Variants in WRN observed in about 807,000 individuals in gnomAD.
The protein encoded by WRN is WRN RecQ like helicase.
Under a neutral mutation model 180.7 loss-of-function variants are expected in WRN, and 149 were observed. The observed-to-expected ratio is 0.82, with a 90% CI of 0.72 to 0.94. The LOEUF (loss-of-function observed/expected upper bound fraction) is 0.94. Among genes scored for constraint, WRN ranks in the 40% least tolerant of loss-of-function variants. The pLI is 0.00. For synonymous variants in WRN, 548 were observed against 568.9 expected (o/e 0.96, Z 0.52); for missense variants, 1,661 against 1,700.1 (o/e 0.98, Z 0.40).
At chr8:31,147,883 C>CCTT (rs1802928297) in intron 30 of WRN, among the ~76,000 whole-genome samples, 9 of 125,990 alleles carry the variant, frequency 7.1e-5, no homozygotes, top group Admixed American at 1.5e-4. Context: ...TCTTCTTCTT[C>CCTT]ATTTTTTTTT....
rs574019000 is a variant in WRN at position 31,089,505 on chromosome 8, C to T, written c.1652+540C>T. The stretch of plus-strand genomic sequence containing the variant: ...CTGTGAAAATCTAGACTGGATTTTT[C>T]CTATTCTGAGAATTTAAAATATAAT... On this transcript the variant is annotated intron_variant, in intron 13 of 34. Transcript: ENST00000298139. Among the ~76,000 whole-genome samples the T allele has an allele frequency of 3.9e-5, 6 of 152,050 alleles. 1 individual carries two copies. The highest frequency in any genetic ancestry group is 1.4e-4 in the African/African-American group (6 of 41,540).
intron 8 of WRN, among the ~76,000 whole-genome samples, chr8:31,077,820 C>G (rs1282441519): frequency 6.6e-6 from 1 of 152,160 alleles, no homozygotes; most frequent in Non-Finnish European, 1.5e-5. Context: ...GAGGCATATA[C>G]ACAGACTGGG....
At chr8:31,092,451 G>A (rs551345285) in intron 16 of WRN, among the ~76,000 whole-genome samples, 1 of 150,592 alleles carries the variant, frequency 6.6e-6, no homozygotes, top group African/African-American at 2.4e-5. Context: ...GTGTGTGTGT[G>A]TGTGTGTGTA....
intron 1 of WRN, among the ~76,000 whole-genome samples, chr8:31,040,071 A>G (rs1192296240): frequency 6.6e-6 from 1 of 152,228 alleles, no homozygotes; most frequent in Admixed American, 6.5e-5. Context: ...TTTTGAAGAT[A>G]GAACCAACAG....
At chr8:31,051,426 T>C (rs965859378) in intron 1 of WRN, among the ~76,000 whole-genome samples, 1 of 152,204 alleles carries the variant, frequency 6.6e-6, no homozygotes, top group African/African-American at 2.4e-5. Flanking sequence ...ATTTGGAATG[T>C]AATTGGTCTT....
intron 24 of WRN, among the ~76,000 whole-genome samples, chr8:31,134,607 G>C (rs1264939004): frequency 6.6e-6 from 1 of 152,142 alleles, no homozygotes; most frequent in Non-Finnish European, 1.5e-5. Flanking sequence ...TAATTTTATA[G>C]ATTAGAAAAT....
chr8:31,047,138 ATTTTTTTTT>A, intron 1 of WRN, among the ~76,000 whole-genome samples: 1 of 115,284 alleles, frequency 8.7e-6, no homozygotes, highest in Non-Finnish European at 1.8e-5. Context: ...GGCAATGCTG[ATTTTTTTTT>A]TTTTTTTTTT....
chr8:31,090,509 A>T lies in WRN; in HGVS notation c.1697A>T (p.Asp566Val), dbSNP rs758649710. ...CATTCAGTATTAGAAGAAAGAAGAG[A>T]TAATGTTGCTGTCATGGCAACTGGT... ...VIHSVLEERRDNVAVMATGYG... is the reference protein window; with the variant it reads ...VIHSVLEERRVNVAVMATGYG... Residue 566 changes from aspartate to valine, a missense_variant, in exon 14 of 35, where the codon GAT becomes GTT. This residue lies in a region of WRN where 1,141 missense variants were observed against 1,149.4 expected (regional missense o/e 0.99). Transcript: ENST00000298139. The T allele has an allele frequency of 4.3e-6, 7 of 1,612,400 alleles. No individual in the cohort carries two copies. The South Asian group carries it at 7.7e-5, about 18-fold the overall frequency.
intron 28 of WRN, among the ~76,000 whole-genome samples, chr8:31,146,419 T>C (rs1802859811): frequency 6.6e-6 from 1 of 151,948 alleles, no homozygotes; most frequent in African/African-American, 2.4e-5. Context: ...TGTTAGTGAT[T>C]GTCTTTGTTT....
rs1272996480 is a variant in WRN, at chr8:31,174,568, TC to T, written c.*1467del. ...TGTGCCAATGATAAAATTGGAGATTTCTAGCAAAATGTATAATTTTGGAAAA... is the reference window on the plus strand; with the variant it reads ...TGTGCCAATGATAAAATTGGAGATTTTAGCAAAATGTATAATTTTGGAAAA... On this transcript the variant is annotated 3_prime_UTR_variant, in exon 35 of 35. Transcript: ENST00000298139. 6.6e-6 allele frequency among the ~76,000 whole-genome samples: 1 copy of T among 152,224 alleles called. No individual in the cohort carries two copies. Among genetic ancestry groups the T allele is most frequent in the Non-Finnish European group, 1.5e-5 (1 of 68,034 alleles).
rs905307090 is a variant in WRN, at chr8:31,144,640, C to T, written c.3383+1017C>T. 3.3e-5 allele frequency among the ~76,000 whole-genome samples: 5 copies of T among 152,196 alleles called. No individual in the cohort carries two copies. In the South Asian group the frequency reaches 6.2e-4, roughly 19 times the overall value. The stretch of plus-strand genomic sequence containing the variant: ...GTGTGAGCCGCTGTGCCTGGCCCAT[C>T]TCTAAGTGTTTAAGAGAAAGGAAGA... On this transcript the variant is annotated intron_variant, in intron 28 of 34. Transcript: ENST00000298139.
rs1803303291 is a variant in WRN at position 31,154,664 on chromosome 8, A to G, written c.3728A>G (p.Lys1243Arg). ...AGTACAAAACCTCAAGAAGAACAGA[A>G]GACGAGTCTGGTAGCAAAAAATAAA... ...FSSTKPQEEQ[K>R]TSLVAKNKIC... Residue 1243 changes from lysine to arginine, a missense_variant, in exon 32 of 35, where the codon AAG becomes AGG. Lys to Arg is a conservative substitution (Grantham distance 26). Around this residue, in one of 3 missense-constraint regions of WRN, gnomAD observed 1,141 missense variants for 1,149.4 expected, o/e 0.99. Transcript: ENST00000298139. 2 of 1,613,510 alleles carry G rather than the reference A, an allele frequency of 1.2e-6. No individual in the cohort carries two copies. Among genetic ancestry groups the G allele is most frequent in the Admixed American group, 1.7e-5 (1 of 59,982 alleles).
rs780284174 is a variant in WRN at position 31,116,495 on chromosome 8, C to T, written c.2415C>T (p.Asp805=). ...HAGMSFSTRK[D]IHHRFVRDEI... ...GCATGAGTTTTAGCACAAGGAAAGA[C>T]ATTCATCATAGGTTTGTAAGAGATG... Residue 805 remains aspartate, a synonymous_variant, in exon 20 of 35, where the codon GAC becomes GAT. Transcript: ENST00000298139. 7.4e-6 allele frequency: 12 copies of T among 1,613,874 alleles called. No individual in the cohort carries two copies. Among genetic ancestry groups the T allele is most frequent in the Non-Finnish European group, 1.0e-5 (12 of 1,179,916 alleles).
At chr8:31,091,800 G>C (rs760949240) in intron 15 of WRN, 30 bp from the exon 16 acceptor site, 3 of 1,589,354 alleles carry the variant, frequency 1.9e-6, no homozygotes, top group Non-Finnish European at 2.6e-6. Flanking sequence ...TGTGTACATG[G>C]TGCCAGAATA....
At chr8:31,147,238 A>G (rs930266512) in intron 29 of WRN, 110 bp downstream of exon 29, 9 of 1,471,410 alleles carry the variant, frequency 6.1e-6, no homozygotes, top group South Asian at 1.2e-5. Context: ...TTAAGCTAAG[A>G]GTCTGAGTTT....
intron 24 of WRN, among the ~76,000 whole-genome samples, chr8:31,133,456 C>T (rs1326345336): frequency 6.6e-6 from 1 of 151,606 alleles, no homozygotes; most frequent in Middle Eastern, 3.4e-3. Context: ...ACGTGGGAGG[C>T]GGAGCTTGCA....
chr8:31,173,207 T>C lies in WRN; in HGVS notation c.*105T>C, dbSNP rs752257643. The C allele has an allele frequency of 1.2e-4, 131 of 1,116,904 alleles. No homozygotes were observed. The highest frequency in any genetic ancestry group is 1.5e-4 in the Non-Finnish European group (113 of 753,942). The allele number at this position is 1,116,904 out of a possible 1,614,324, so 69.2% of individuals were successfully genotyped here. A position where few individuals can be genotyped will look rare whatever the true frequency, so the allele number is the denominator to read the frequency against. On this transcript the variant is annotated 3_prime_UTR_variant, in exon 35 of 35. Transcript: ENST00000298139. The stretch of plus-strand genomic sequence containing the variant: ...TAGTATTTTGGCTTAAAAATCATTC[T>C]AATTACAAAGTTCACTGTTTATTGA...
At chr8:31,042,392 A>G (rs1811693577) in intron 1 of WRN, among the ~76,000 whole-genome samples, 1 of 152,192 alleles carries the variant, frequency 6.6e-6, no homozygotes, top group Non-Finnish European at 1.5e-5. Flanking sequence ...GGTCATGGTG[A>G]TGATGATGGT....
intron 1 of WRN, among the ~76,000 whole-genome samples, chr8:31,034,282 G>A (rs369886811): frequency 9.9e-5 from 15 of 152,144 alleles, no homozygotes; most frequent in African/African-American, 3.6e-4. Context: ...CAGAAATTGA[G>A]CCACTACAGG....
Sources: gnomAD v4.1 joint callset for allele counts (sites outside exome capture counted in the v4.1 genomes callset) on GRCh38, gnomAD v4.1.1 for gene constraint, gnomAD v4.1.1 regional missense constraint, MANE v1.5 for transcripts, NCBI Gene and HGNC (gene_info 2026-07-23, HGNC 2026-07-21) for gene names.